SIPA1L3: variants seen among roughly 807,000 people sequenced by gnomAD.
SIPA1L3 encodes the protein signal-induced proliferation-associated 1-like protein 3.
A neutral mutation model predicts 150.1 loss-of-function variants in SIPA1L3; 59 were observed. The ratio of observed to expected loss-of-function variants is 0.39; its 90% CI spans 0.32 to 0.49. The LOEUF (loss-of-function observed/expected upper bound fraction) is 0.49, where lower values mean the gene tolerates loss of function less well. Ranked by LOEUF, SIPA1L3 falls within the 20% of genes least tolerant of loss-of-function variation. The pLI, the probability that SIPA1L3 is intolerant of heterozygous loss-of-function variation, is 0.86. For synonymous variants in SIPA1L3, 1,070 were observed against 1,077.6 expected (o/e 0.99, Z 0.14); for missense variants, 2,211 against 2,489.5 (o/e 0.89, Z 2.38).
intron 2 of SIPA1L3, among the ~76,000 whole-genome samples, chr19:38,075,442 T>C (rs571059640): frequency 1.6e-3 from 203 of 128,688 alleles, no homozygotes; most frequent in Non-Finnish European, 2.7e-3. Context: ...GGTGACAGAG[T>C]GATGCTCCGT....
chr19:37,941,623 C>G (rs375064018), intron 1 of SIPA1L3, among the ~76,000 whole-genome samples: 1 of 152,140 alleles, frequency 6.6e-6, no homozygotes, highest in Non-Finnish European at 1.5e-5. Flanking sequence ...CCAGGCCTTA[C>G]CTTTGACCGG....
intron 1 of SIPA1L3, among the ~76,000 whole-genome samples, chr19:37,950,281 C>T (rs1568475663): frequency 6.6e-6 from 1 of 152,016 alleles, no homozygotes; most frequent in Non-Finnish European, 1.5e-5. Context: ...TCAGTCTGAG[C>T]CTGATACACA....
intron 1 of SIPA1L3, among the ~76,000 whole-genome samples, chr19:37,984,962 G>T (rs1207001697): frequency 6.6e-6 from 1 of 152,158 alleles, no homozygotes; most frequent in Non-Finnish European, 1.5e-5. Context: ...CTGTTTCAAG[G>T]CCCAGGTATG....
At position 38,100,078 on chromosome 19, in the gene SIPA1L3, C is replaced by T; in HGVS notation, c.1782C>T (p.Asn594=). ...DALEYVIPEL[N]IHCLRLALNT... is the part of the protein sequence containing the mutation. Reference sequence around the variant, plus strand: ...TGGAGTATGTCATCCCCGAGCTCAACATCCACTGCCTGCGGCTGGCCCTCA... The same window carrying T: ...TGGAGTATGTCATCCCCGAGCTCAATATCCACTGCCTGCGGCTGGCCCTCA... Residue 594 remains asparagine (N), a synonymous_variant, in exon 5 of 22, where the codon AAC becomes AAT. Transcript: ENST00000222345. 6.2e-7 allele frequency: 1 copy of T among 1,612,412 alleles called. No individual in the cohort carries two copies. Among genetic ancestry groups the T allele is most frequent in the East Asian group, 2.2e-5 (1 of 44,610 alleles).
intron 1 of SIPA1L3, among the ~76,000 whole-genome samples, chr19:37,940,416 T>C (rs773505330): frequency 6.6e-6 from 1 of 152,188 alleles, no homozygotes; most frequent in Non-Finnish European, 1.5e-5. Flanking sequence ...TAGTTGAGTA[T>C]CTGCAAGATA....
chr19:38,049,362 G>A (rs1405964682), intron 2 of SIPA1L3, among the ~76,000 whole-genome samples: 3 of 152,120 alleles, frequency 2.0e-5, no homozygotes, highest in African/African-American at 4.8e-5. Flanking sequence ...CATTCTTTCG[G>A]TTTCTTCTGG....
chr19:37,965,459 G>A (rs1205837676), intron 1 of SIPA1L3, among the ~76,000 whole-genome samples: 1 of 151,886 alleles, frequency 6.6e-6, no homozygotes, highest in Non-Finnish European at 1.5e-5. Flanking sequence ...GGGATTACAG[G>A]CGCGTGCCAC....
At chr19:38,071,234 T>TATCC (rs1969712191) in intron 2 of SIPA1L3, among the ~76,000 whole-genome samples, 2 of 151,876 alleles carry the variant, frequency 1.3e-5, no homozygotes, top group African/African-American at 4.8e-5. Context: ...TCTATCTATC[T>TATCC]ATCTATCTAT....
chr19:37,998,236 C>T (rs1033095416), intron 1 of SIPA1L3, among the ~76,000 whole-genome samples: 2 of 152,176 alleles, frequency 1.3e-5, no homozygotes, highest in African/African-American at 4.8e-5. Flanking sequence ...CCTAGAGTCC[C>T]TCCAGAAAAG....
At chr19:37,946,598 T>C (rs769304799) in intron 1 of SIPA1L3, among the ~76,000 whole-genome samples, 1 of 152,236 alleles carries the variant, frequency 6.6e-6, no homozygotes, top group Non-Finnish European at 1.5e-5. Flanking sequence ...TTTTATTTCT[T>C]GTTAATTTGT....
At position 38,165,473 on chromosome 19, in the gene SIPA1L3, G is replaced by A. The variant is rs147771811; in HGVS notation, c.4208+567G>A. On this transcript the variant is annotated intron_variant, in intron 15 of 21. Transcript: ENST00000222345. ...GAGATGGAGCTGTGCTGCCTGGTGAGTGGCAGTTGGGGACAGAGAAGAGGG... is the reference window on the plus strand; with the variant it reads ...GAGATGGAGCTGTGCTGCCTGGTGAATGGCAGTTGGGGACAGAGAAGAGGG... Among the ~76,000 whole-genome samples, 778 of 152,314 alleles carry A rather than the reference G, an allele frequency of 5.1e-3. 33 individuals carry two copies. In the South Asian group the frequency reaches 0.11, roughly 21 times the overall value.
chr19:38,170,026 G>A (rs897085618), intron 15 of SIPA1L3, among the ~76,000 whole-genome samples: 3 of 152,026 alleles, frequency 2.0e-5, no homozygotes, highest in Non-Finnish European at 2.9e-5. Flanking sequence ...TGGGCTGGAG[G>A]GGGGCCAGGC....
chr19:38,109,331 A>T (rs1224522309), intron 7 of SIPA1L3: 1 of 152,192 alleles, frequency 6.6e-6, no homozygotes, highest in East Asian at 1.9e-4. Flanking sequence ...GATCTCGTGA[A>T]ACTTATTTAC....
chr19:38,143,297 T>C (rs996611418), intron 12 of SIPA1L3, among the ~76,000 whole-genome samples: 2 of 152,130 alleles, frequency 1.3e-5, no homozygotes, highest in African/African-American at 2.4e-5. Context: ...TGCCCCCAGG[T>C]CCCTGTCTCA....
chr19:38,121,301 G>A (rs1971012175), intron 9 of SIPA1L3, among the ~76,000 whole-genome samples: 1 of 152,102 alleles, frequency 6.6e-6, no homozygotes, highest in African/African-American at 2.4e-5. Context: ...AGCCAGGCAT[G>A]GTGGTGGGCG....
At chr19:38,027,739 A>G (rs1276111823) in intron 1 of SIPA1L3, among the ~76,000 whole-genome samples, 1 of 150,986 alleles carries the variant, frequency 6.6e-6, no homozygotes, top group Admixed American at 6.6e-5. Context: ...CTGGTCTTGA[A>G]CTTCTGAGCT....
intron 2 of SIPA1L3, among the ~76,000 whole-genome samples, chr19:38,053,684 G>A (rs1208182623): frequency 6.6e-6 from 1 of 152,054 alleles, no homozygotes; most frequent in Non-Finnish European, 1.5e-5. Flanking sequence ...AGCCTCCCAA[G>A]TAGCTGGGAT....
chr19:38,117,660 T>C (rs1345802626), intron 8 of SIPA1L3, among the ~76,000 whole-genome samples: 1 of 151,692 alleles, frequency 6.6e-6, no homozygotes, highest in Non-Finnish European at 1.5e-5. Flanking sequence ...TCCCTCCTGC[T>C]GCGGGGTGGG....
chr19:37,969,543 CT>C (rs1450021059), intron 1 of SIPA1L3, among the ~76,000 whole-genome samples: 1 of 151,886 alleles, frequency 6.6e-6, no homozygotes, highest in Non-Finnish European at 1.5e-5. Context: ...CAGAGTTATA[CT>C]GTGTCTAAAA....
Sources: allele counts gnomAD v4.1 joint callset (sites outside exome capture counted in the v4.1 genomes callset), GRCh38; gene constraint gnomAD v4.1.1; transcripts MANE v1.5; gene names NCBI Gene and HGNC (gene_info 2026-07-23, HGNC 2026-07-21).